RORB: variants seen among roughly 807,000 people sequenced by gnomAD.
RORB encodes the protein nuclear receptor ROR-beta.
In RORB, 6 loss-of-function variants were observed where a neutral mutation model predicts 59.1. The ratio of observed to expected loss-of-function variants is 0.10; its 90% CI spans 0.06 to 0.20. The LOEUF (loss-of-function observed/expected upper bound fraction) is 0.20, where lower values mean the gene tolerates loss of function less well. Among genes scored for constraint, RORB ranks in the 10% least tolerant of loss-of-function variants. The probability of loss-of-function intolerance (pLI) is 1.00; values close to 1 mark genes in which losing one functional copy is unlikely to be tolerated. For missense variants in RORB, 320 were observed against 560.5 expected (o/e 0.57, Z 4.33); for synonymous variants, 215 against 204.5 (o/e 1.05, Z -0.44).
At chr9:74,535,256 G>GA (rs1370696139) in intron 1 of RORB, among the ~76,000 whole-genome samples, 1 of 151,974 alleles carries the variant, frequency 6.6e-6, no homozygotes, top group Non-Finnish European at 1.5e-5. Context: ...AAAAGGAGAT[G>GA]AAAAAACAAA....
intron 4 of RORB, among the ~76,000 whole-genome samples, chr9:74,645,271 A>G (rs1385122440): frequency 3.3e-5 from 5 of 152,282 alleles, no homozygotes; most frequent in Non-Finnish European, 7.4e-5. Context: ...ATGAAGAGCC[A>G]CAATAGTATA....
Position 74,497,864 on chromosome 9 carries a change from G to A in RORB, c.-113G>A. On this transcript the variant is annotated 5_prime_UTR_variant, in exon 1 of 10. Transcript: ENST00000376896. ...CTAAAGGGATGGTTTTCTCGGCAGA[G>A]CAGCTCTTCGCCGACCACCTTCTTC... 7.5e-7 allele frequency: 1 copy of A among 1,328,120 alleles called. No individual in the cohort carries two copies. Among genetic ancestry groups the A allele is most frequent in the Non-Finnish European group, 1.1e-6 (1 of 944,056 alleles). 82.3% of individuals were successfully genotyped at this position (1,328,120 alleles called of 1,614,324 possible). A position where few individuals can be genotyped will look rare whatever the true frequency, so the allele number is the denominator to read the frequency against.
chr9:74,634,806 C>G, intron 3 of RORB, 34 bp downstream of exon 3: 2 of 1,577,664 alleles, frequency 1.3e-6, no homozygotes, highest in Non-Finnish European at 1.7e-6. Flanking sequence ...TTACTTAAGC[C>G]CTTTCAAATG....
At chr9:74,500,511 G>A (rs967182181) in intron 1 of RORB, among the ~76,000 whole-genome samples, 1 of 152,056 alleles carries the variant, frequency 6.6e-6, no homozygotes, top group African/African-American at 2.4e-5. Flanking sequence ...TTTGACCTGG[G>A]CTTTACGGTG....
chr9:74,609,048 G>C (rs1159107638), intron 1 of RORB, among the ~76,000 whole-genome samples: 1 of 152,194 alleles, frequency 6.6e-6, no homozygotes, highest in Non-Finnish European at 1.5e-5. Flanking sequence ...GAAAAACACA[G>C]ATATACCCCC....
chr9:74,551,310 A>G (rs1196068304), intron 1 of RORB, among the ~76,000 whole-genome samples: 1 of 152,210 alleles, frequency 6.6e-6, no homozygotes, highest in Non-Finnish European at 1.5e-5. Flanking sequence ...CTTTTGGCAT[A>G]TGTAAATCGC....
At chr9:74,549,678 G>C (rs1242336603) in intron 1 of RORB, among the ~76,000 whole-genome samples, 1 of 151,644 alleles carries the variant, frequency 6.6e-6, no homozygotes, top group East Asian at 1.9e-4. Flanking sequence ...AGGATTATCT[G>C]TATTTTTTGA....
intron 1 of RORB, among the ~76,000 whole-genome samples, chr9:74,528,505 C>A (rs1826189449): frequency 6.6e-6 from 1 of 151,860 alleles, no homozygotes; most frequent in South Asian, 2.1e-4. Context: ...GTCTTGTTAC[C>A]CTTTCCACTT....
intron 1 of RORB, among the ~76,000 whole-genome samples, chr9:74,621,193 G>C (rs1021509071): frequency 1.3e-5 from 2 of 152,064 alleles, no homozygotes; most frequent in Non-Finnish European, 2.9e-5. Flanking sequence ...GTAATGATGT[G>C]TATCTGTCAT....
rs533534940 is a variant in RORB, at chr9:74,671,316, T to A, written c.1112-473T>A. 5.9e-4 allele frequency among the ~76,000 whole-genome samples: 90 copies of A among 152,320 alleles called. 2 individuals are homozygous for A. The South Asian group carries it at 0.018, about 31-fold the overall frequency. On this transcript the variant is annotated intron_variant, in intron 8 of 9. Coordinates refer to ENST00000376896, the MANE Select transcript of RORB (RefSeq NM_006914.4). Reference sequence around the variant, plus strand: ...TAGAAGTGAATTTTTGAAACTGATTTATGTTTATGCTATATAAATTCTAAC... The same window carrying A: ...TAGAAGTGAATTTTTGAAACTGATTAATGTTTATGCTATATAAATTCTAAC...
intron 1 of RORB, among the ~76,000 whole-genome samples, chr9:74,516,435 A>G (rs1165869341): frequency 6.6e-6 from 1 of 152,056 alleles, no homozygotes; most frequent in East Asian, 1.9e-4. Flanking sequence ...CTCACTGGGA[A>G]GCAGAGATTT....
chr9:74,612,740 C>G (rs559747214), intron 1 of RORB, among the ~76,000 whole-genome samples: 1 of 152,222 alleles, frequency 6.6e-6, no homozygotes, highest in Admixed American at 6.5e-5. Flanking sequence ...ATTTCATTTA[C>G]TCAGGTTAAT....
intron 1 of RORB, among the ~76,000 whole-genome samples, chr9:74,557,040 G>C (rs748039223): frequency 5.9e-5 from 9 of 151,524 alleles, no homozygotes; most frequent in Non-Finnish European, 7.4e-5. Flanking sequence ...CTACCCACTA[G>C]TACCTCCCCT....
At chr9:74,640,362 T>A (rs1587400333) in intron 3 of RORB, among the ~76,000 whole-genome samples, 1 of 152,114 alleles carries the variant, frequency 6.6e-6, no homozygotes, top group South Asian at 2.1e-4. Context: ...TGCCTCAGCC[T>A]CCCGAGTAGC....
Position 74,580,180 on chromosome 9 carries a change from G to A in RORB, c.8-50102G>A, listed in dbSNP as rs139499929. ...CCCGTTTGAATAAGTGGTGACGACC[G>A]TATTTAGCAGGAGTAAAATTTGGAA... On this transcript the variant is annotated intron_variant, in intron 1 of 9. Transcript: ENST00000376896. Among the ~76,000 whole-genome samples the A allele has an allele frequency of 8.1e-3, 1,236 of 152,172 alleles. 10 individuals are homozygous for A. Among genetic ancestry groups the A allele is most frequent in the Non-Finnish European group, 0.013 (899 of 67,980 alleles).
chr9:74,662,357 A>G (rs1824201597), intron 5 of RORB, 117 bp from the exon 6 acceptor site: 2 of 956,620 alleles, frequency 2.1e-6, no homozygotes, highest in African/African-American at 1.6e-5. Flanking sequence ...GGAATCATAT[A>G]AATTCCCTCC....
intron 7 of RORB, among the ~76,000 whole-genome samples, chr9:74,667,189 C>T (rs564020516): frequency 2.0e-5 from 3 of 152,182 alleles, no homozygotes; most frequent in Non-Finnish European, 4.4e-5. Flanking sequence ...TACGCAACAG[C>T]TAAGCAACTG....
intron 1 of RORB, among the ~76,000 whole-genome samples, chr9:74,586,872 G>A (rs889562020): frequency 3.3e-5 from 5 of 152,052 alleles, no homozygotes; most frequent in African/African-American, 1.2e-4. Flanking sequence ...TAACAATGTA[G>A]CCTTCTCCTG....
chr9:74,540,710 T>C (rs1826392911), intron 1 of RORB, among the ~76,000 whole-genome samples: 1 of 152,178 alleles, frequency 6.6e-6, no homozygotes, highest in Non-Finnish European at 1.5e-5. Context: ...ATTTAAATGC[T>C]TCTCTGTTGA....
Sources: allele counts gnomAD v4.1 joint callset (sites outside exome capture counted in the v4.1 genomes callset), GRCh38; gene constraint gnomAD v4.1.1; transcripts MANE v1.5; gene names NCBI Gene and HGNC (gene_info 2026-07-23, HGNC 2026-07-21).